The following ZSCAN18 variants were observed in gnomAD, a reference collection of about 807,000 sequenced individuals.
ZSCAN18 encodes the protein zinc finger and SCAN domain-containing protein 18.
In ZSCAN18, 16 loss-of-function variants were observed where a neutral mutation model predicts 31.1. The observed-to-expected ratio is 0.51, with a 90% confidence interval of 0.35 to 0.78. The LOEUF is 0.78. Among genes scored for constraint, ZSCAN18 ranks in the 30% least tolerant of loss-of-function variants. The pLI, the probability that ZSCAN18 is intolerant of heterozygous loss-of-function variation, is 0.01. For synonymous variants in ZSCAN18, 375 were observed against 320.7 expected (o/e 1.17, Z -1.81); for missense variants, 731 against 697.4 (o/e 1.05, Z -0.54).
chr19:58,089,273 A>G (rs2074355168), intron 2 of ZSCAN18, among the ~76,000 whole-genome samples: 1 of 118,108 alleles, frequency 8.5e-6, no homozygotes, highest in African/African-American at 3.3e-5. Context: ...ACTGCACTCC[A>G]GCCTGGGCGA....
At chr19:58,086,082 G>C (rs761118826) in intron 6 of ZSCAN18, 92 bp downstream of exon 6, 22 of 1,065,846 alleles carry the variant, frequency 2.1e-5, no homozygotes, top group Non-Finnish European at 3.0e-5. Flanking sequence ...TGAGGTCTTT[G>C]CTGGGGCTGA....
intron 1 of ZSCAN18, among the ~76,000 whole-genome samples, chr19:58,113,208 C>T (rs2074701732): frequency 6.6e-6 from 1 of 151,172 alleles, no homozygotes; most frequent in Non-Finnish European, 1.5e-5. Flanking sequence ...CCCAGCTACT[C>T]GGGAGGCTGA....
intron 1 of ZSCAN18, 25 bp downstream of exon 1, chr19:58,098,149 C>T: frequency 1.3e-5 from 13 of 985,544 alleles, no homozygotes; most frequent in East Asian, 1.1e-4. Flanking sequence ...CTGACCCCCG[C>T]GCTGCATCCC....
Position 58,085,722 on chromosome 19 carries a change from G to C in ZSCAN18, c.839-343C>G, listed in dbSNP as rs142558517. 6.1e-4 allele frequency: 238 copies of C among 390,128 alleles called. 2 individuals carry two copies. In the East Asian group the frequency reaches 0.011, roughly 19 times the overall value. 24.2% of individuals were successfully genotyped at this position (390,128 alleles called of 1,614,324 possible). ...AAGATGCACGATGCAAGGAGAGCCTGCTCAGAGCGCACCCTCCTGGAGGGA... is the reference window on the plus strand; with the variant it reads ...AAGATGCACGATGCAAGGAGAGCCTCCTCAGAGCGCACCCTCCTGGAGGGA... On this transcript the variant is annotated intron_variant, in intron 6 of 6. Transcript: ENST00000601144.
chr19:58,085,504 C>G lies in ZSCAN18; in HGVS notation c.839-125G>C, dbSNP rs1000824719. The G allele has an allele frequency of 1.8e-5, 15 of 852,050 alleles. No homozygotes were observed. In the South Asian group the frequency reaches 2.0e-4, roughly 11 times the overall value. The allele number at this position is 852,050 out of a possible 1,614,324, so 52.8% of individuals were successfully genotyped here. ...GGGCTCTGGATCCCCGCGGGGCTCA[C>G]GGCTGTTTGGAAGCAGCGCTGTCCC... On this transcript the variant is annotated intron_variant, in intron 6 of 6. Coordinates refer to ENST00000601144, the MANE Select transcript of ZSCAN18 (RefSeq NM_001145543.2).
intron 1 of ZSCAN18, among the ~76,000 whole-genome samples, chr19:58,093,019 C>A (rs771163387): frequency 6.6e-6 from 1 of 152,120 alleles, no homozygotes; most frequent in African/African-American, 2.4e-5. Context: ...TCAAGGGATA[C>A]GCCTGCCTGG....
upstream of ZSCAN18, among the ~76,000 whole-genome samples, chr19:58,100,807 A>AGG (rs2074587050): frequency 1.3e-5 from 2 of 152,092 alleles, no homozygotes; most frequent in Admixed American, 1.3e-4. Flanking sequence ...ACTGGAAGGC[A>AGG]GGGGCTGCAG....
chr19:58,097,820 C>T (rs1395800420), intron 1 of ZSCAN18: 4 of 380,194 alleles, frequency 1.1e-5, no homozygotes, highest in Non-Finnish European at 1.4e-5. Flanking sequence ...CCCCCTCCCT[C>T]ATCTCTCCCC....
chr19:58,113,096 A>G (rs936901366), intron 1 of ZSCAN18, among the ~76,000 whole-genome samples: 1 of 151,772 alleles, frequency 6.6e-6, no homozygotes, highest in Non-Finnish European at 1.5e-5. Flanking sequence ...CAGGCAGATC[A>G]CGAGGTCAGG....
chr19:58,086,507 A>G, intron 5 of ZSCAN18: 1 of 502,420 alleles, frequency 2.0e-6, no homozygotes, highest in East Asian at 3.2e-5. Context: ...AAAGAAAGAC[A>G]TTGACAAAAA....
At chr19:58,087,254 G>C in intron 4 of ZSCAN18, 62 bp downstream of exon 4, 1 of 1,490,344 alleles carries the variant, frequency 6.7e-7, no homozygotes, top group Non-Finnish European at 9.2e-7. Context: ...ACTGGTGATG[G>C]GGAGGGGGAT....
At chr19:58,089,734 C>T (rs1039434528) in intron 2 of ZSCAN18, 131 bp downstream of exon 2, 25 of 1,167,342 alleles carry the variant, frequency 2.1e-5, no homozygotes, top group Non-Finnish European at 2.7e-5. Context: ...TGTCCTGGCC[C>T]GAGGACCAAG....
intron 4 of ZSCAN18, 60 bp from the exon 5 acceptor site, chr19:58,087,068 C>T (rs1182154517): frequency 2.2e-6 from 3 of 1,394,270 alleles, no homozygotes; most frequent in Non-Finnish European, 3.0e-6. Context: ...GGACCCGCCG[C>T]AGCCCCACAG....
At chr19:58,087,426 G>A (rs760360264) in intron 3 of ZSCAN18, 22 bp from the exon 4 acceptor site, 2 of 1,581,186 alleles carry the variant, frequency 1.3e-6, no homozygotes, top group African/African-American at 2.7e-5. Flanking sequence ...GAGAGGCAGA[G>A]CTGAGGCAAT....
At chr19:58,098,584 T>C (rs2074565494), upstream of ZSCAN18, among the ~76,000 whole-genome samples, 1 of 152,124 alleles carries the variant, frequency 6.6e-6, no homozygotes, top group East Asian at 1.9e-4. Context: ...CAAGACGCCC[T>C]GGGGTCCCCG....
chr19:58,108,299 G>A, intron 1 of ZSCAN18: 2 of 985,446 alleles, frequency 2.0e-6, no homozygotes, highest in Non-Finnish European at 2.4e-6. Context: ...GGACAATAAG[G>A]TTGGAGACAT....
chr19:58,102,773 T>A (rs1479576202), upstream of ZSCAN18, among the ~76,000 whole-genome samples: 1 of 152,196 alleles, frequency 6.6e-6, no homozygotes, highest in African/African-American at 2.4e-5. Context: ...CTCCTTCTGA[T>A]ATTACTCTTA....
chr19:58,100,499 C>T (rs2074584426), upstream of ZSCAN18, among the ~76,000 whole-genome samples: 2 of 152,130 alleles, frequency 1.3e-5, no homozygotes, highest in African/African-American at 2.4e-5. Flanking sequence ...CTGGAGTCAC[C>T]TCATTAGCAT....
rs1234966453 is a variant in ZSCAN18, at chr19:58,084,910, G to A, written c.1308C>T (p.Gly436=). The change falls in exon 7 of 7, where the codon GGC becomes GGT. Residue 436 remains glycine (G), a synonymous_variant. Coordinates refer to ENST00000601144, the MANE Select transcript of ZSCAN18 (RefSeq NM_001145543.2). The surrounding 1 kb of genome is among the most constrained non-coding windows in gnomAD (Gnocchi z 4.5). ...SHLMEHHSSH[G]GRKRYACQGC... is the part of the protein sequence containing the mutation. ...CCTGACAGGCGTAGCGCTTCCGGCCGCCATGGCTGCTGTGGTGCTCCATCA... is the reference window on the plus strand; with the variant it reads ...CCTGACAGGCGTAGCGCTTCCGGCCACCATGGCTGCTGTGGTGCTCCATCA... 1 of 1,593,688 alleles carries A rather than the reference G, an allele frequency of 6.3e-7. No individual in the cohort carries two copies. Among genetic ancestry groups the A allele is most frequent in the Non-Finnish European group, 8.5e-7 (1 of 1,172,210 alleles).
Sources: allele counts gnomAD v4.1 joint callset (sites outside exome capture counted in the v4.1 genomes callset), GRCh38; gene constraint gnomAD v4.1.1; non-coding constraint Gnocchi (gnomAD v3.1); transcripts MANE v1.5; gene names NCBI Gene and HGNC (gene_info 2026-07-23, HGNC 2026-07-21).